CADM2: variants seen among roughly 807,000 people sequenced by gnomAD.
CADM2 encodes the protein cell adhesion molecule 2.
Under a neutral mutation model 49.8 loss-of-function variants are expected in CADM2, and 12 were observed. The observed-to-expected ratio is 0.24, with a 90% confidence interval of 0.15 to 0.39. The LOEUF (loss-of-function observed/expected upper bound fraction) is 0.39. CADM2 is among the 10% of genes least tolerant of loss of function. CADM2 has a pLI of 1.00. For synonymous variants in CADM2, 214 were observed against 175.4 expected, an observed-to-expected ratio of 1.22 and a Z score of -1.74; for missense variants, 378 against 492.3, an observed-to-expected ratio of 0.77 and a Z score of 2.20.
chr3:85,273,926 A>C (rs988566872), intron 1 of CADM2, among the ~76,000 whole-genome samples: 3 of 151,468 alleles, frequency 2.0e-5, no homozygotes, highest in Non-Finnish European at 3.0e-5. Context: ...CAGGAGAGGA[A>C]GATAAGATTG....
At chr3:85,213,781 C>T (rs2041859875) in intron 1 of CADM2, among the ~76,000 whole-genome samples, 1 of 151,718 alleles carries the variant, frequency 6.6e-6, no homozygotes, top group Non-Finnish European at 1.5e-5. Flanking sequence ...CCTTTGTCTC[C>T]TCTGTGTATT....
At chr3:85,966,594 C>T (rs955251143) in intron 8 of CADM2, among the ~76,000 whole-genome samples, 1 of 151,438 alleles carries the variant, frequency 6.6e-6, no homozygotes, top group Non-Finnish European at 1.5e-5. Flanking sequence ...ATGTATTTTG[C>T]TTTTCTAGCA....
At chr3:85,518,365 A>G (rs779184224) in intron 1 of CADM2, among the ~76,000 whole-genome samples, 1 of 151,946 alleles carries the variant, frequency 6.6e-6, no homozygotes. Flanking sequence ...TCAGACTTCA[A>G]CAAAAGCATC....
At chr3:85,565,584 C>T (rs1000246652) in intron 1 of CADM2, among the ~76,000 whole-genome samples, 5 of 151,942 alleles carry the variant, frequency 3.3e-5, no homozygotes, top group Admixed American at 3.3e-4. Context: ...TTTATTTTAA[C>T]AATGCTCATA....
At chr3:85,559,239 A>T (rs1028945840) in intron 1 of CADM2, among the ~76,000 whole-genome samples, 1 of 152,096 alleles carries the variant, frequency 6.6e-6, no homozygotes, top group African/African-American at 2.4e-5. Context: ...CCAATGTTTT[A>T]TCCAAATCCT....
chr3:85,126,501 G>C (rs2039038841), intron 1 of CADM2, among the ~76,000 whole-genome samples: 1 of 152,202 alleles, frequency 6.6e-6, no homozygotes, highest in Admixed American at 6.5e-5. Context: ...CTTTTGCAAA[G>C]TTTTGTGTGT....
intron 3 of CADM2, among the ~76,000 whole-genome samples, chr3:85,854,744 C>T (rs975634284): frequency 6.6e-6 from 1 of 152,114 alleles, no homozygotes; most frequent in Admixed American, 6.5e-5. Context: ...CAAGCCTGCA[C>T]GTTCTGCATA....
At position 85,404,142 on chromosome 3, in the gene CADM2, T is replaced by C. The variant is rs533266471; in HGVS notation, c.62-322380T>C. Among the ~76,000 whole-genome samples, 46 of 152,302 alleles carry C rather than the reference T, an allele frequency of 3.0e-4. 1 individual carries two copies. In the South Asian group the frequency reaches 9.3e-3, roughly 31 times the overall value. ...GTTTTAAATTATTTTATTTAGCTTATAAGCTTGAATTTGCCTTGGAATGTT... is the reference window on the plus strand; with the variant it reads ...GTTTTAAATTATTTTATTTAGCTTACAAGCTTGAATTTGCCTTGGAATGTT... On this transcript the variant is annotated intron_variant, in intron 1 of 9. Transcript: ENST00000383699.
At chr3:85,380,052 T>A (rs1168672835) in intron 1 of CADM2, among the ~76,000 whole-genome samples, 1 of 152,070 alleles carries the variant, frequency 6.6e-6, no homozygotes, top group Non-Finnish European at 1.5e-5. Context: ...TGATATCTTT[T>A]CAAAGAGTAG....
intron 7 of CADM2, among the ~76,000 whole-genome samples, chr3:85,936,813 T>C (rs2108541354): frequency 6.6e-6 from 1 of 151,976 alleles, no homozygotes; most frequent in South Asian, 2.1e-4. Context: ...TATGTCATTA[T>C]ATTTTTTACC....
At chr3:85,762,563 G>A (rs1021481358) in intron 2 of CADM2, among the ~76,000 whole-genome samples, 4 of 148,924 alleles carry the variant, frequency 2.7e-5, no homozygotes. Flanking sequence ...ACATTGTTTT[G>A]GCAATTTACA....
At chr3:85,710,069 C>T (rs1181601348) in intron 1 of CADM2, among the ~76,000 whole-genome samples, 1 of 152,098 alleles carries the variant, frequency 6.6e-6, no homozygotes, top group Non-Finnish European at 1.5e-5. Flanking sequence ...TTACTACATC[C>T]ACCACTGGGT....
chr3:85,795,199 A>T (rs2071549782), intron 2 of CADM2, among the ~76,000 whole-genome samples: 1 of 152,110 alleles, frequency 6.6e-6, no homozygotes, highest in African/African-American at 2.4e-5. Flanking sequence ...GCTAATTTGA[A>T]AAATTAGTAA....
At chr3:85,711,981 A>G (rs1401503009) in intron 1 of CADM2, among the ~76,000 whole-genome samples, 1 of 152,162 alleles carries the variant, frequency 6.6e-6, no homozygotes, top group Non-Finnish European at 1.5e-5. Flanking sequence ...TAATCGTCTC[A>G]CCTTCACTCA....
intron 1 of CADM2, among the ~76,000 whole-genome samples, chr3:85,589,518 T>G (rs1282921228): frequency 1.3e-5 from 2 of 152,038 alleles, no homozygotes; most frequent in Non-Finnish European, 2.9e-5. Context: ...ATTCCATGCT[T>G]CATTAGTATC....
chr3:85,652,649 T>A (rs2065074374), intron 1 of CADM2, among the ~76,000 whole-genome samples: 1 of 151,966 alleles, frequency 6.6e-6, no homozygotes, highest in Non-Finnish European at 1.5e-5. Flanking sequence ...TGGAACAGAA[T>A]GTGTGGTGGG....
At chr3:85,692,351 A>G (rs1379707539) in intron 1 of CADM2, among the ~76,000 whole-genome samples, 2 of 152,160 alleles carry the variant, frequency 1.3e-5, no homozygotes, top group Non-Finnish European at 2.9e-5. Context: ...CACAGGACCT[A>G]GCAAATCCGT....
At chr3:85,074,460 GTTGT>G (rs1224428536) in intron 1 of CADM2, among the ~76,000 whole-genome samples, 1 of 151,804 alleles carries the variant, frequency 6.6e-6, no homozygotes, top group Non-Finnish European at 1.5e-5. Context: ...CCTCCCTTAT[GTTGT>G]TTATTTTCTT....
chr3:85,973,655 A>G (rs2108648433), intron 8 of CADM2, among the ~76,000 whole-genome samples: 1 of 151,930 alleles, frequency 6.6e-6, no homozygotes, highest in Middle Eastern at 3.4e-3. Flanking sequence ...CAAACTGATT[A>G]TGTAAACTAG....
Sources: allele counts gnomAD v4.1 joint callset (sites outside exome capture counted in the v4.1 genomes callset), GRCh38; gene constraint gnomAD v4.1.1; transcripts MANE v1.5; gene names NCBI Gene and HGNC (gene_info 2026-07-23, HGNC 2026-07-21).